HLTF: variants seen among roughly 807,000 people sequenced by gnomAD.
HLTF encodes helicase like transcription factor, also known as DNA-dependent ATPase/E3 ubiquitin-protein ligase HLTF.
In HLTF, 127 loss-of-function variants were observed where a neutral mutation model predicts 129.4. That is an observed-to-expected ratio of 0.98 (90% CI 0.85 to 1.14). The LOEUF (loss-of-function observed/expected upper bound fraction) is 1.14, where lower values mean the gene tolerates loss of function less well. HLTF is among the 50% of genes most tolerant of loss of function. The probability of loss-of-function intolerance (pLI) is 0.00; values close to 1 mark genes in which losing one functional copy is unlikely to be tolerated. For missense variants in HLTF, 1,139 were observed against 1,187.1 expected, an observed-to-expected ratio of 0.96 and a Z score of 0.60; for synonymous variants, 332 against 388.8, an observed-to-expected ratio of 0.85 and a Z score of 1.72.
In HLTF at chr3:149,039,616, A is replaced by C; in HGVS notation, c.2580T>G (p.Phe860Leu). Residue 860 changes from phenylalanine to leucine, a missense_variant, in exon 22 of 25, where the codon TTT (phenylalanine) becomes TTG (leucine). Coordinates refer to ENST00000310053, the MANE Select transcript of HLTF (RefSeq NM_003071.4). ...TTTCTATTAAAGACAGGAATGTTGT[A>C]AACTGAGAAACAACCAAACTTTTTA... ...PNIKSLVVSQ[F>L]TTFLSLIEIP... is the part of the protein sequence containing the mutation. 6.3e-7 allele frequency: 1 copy of C among 1,597,688 alleles called. No individual in the cohort carries two copies. The highest frequency in any genetic ancestry group is 1.3e-5 in the African/African-American group (1 of 74,606).
chr3:149,061,983 C>T (rs564908133), intron 10 of HLTF, among the ~76,000 whole-genome samples: 20 of 152,178 alleles, frequency 1.3e-4, no homozygotes, highest in African/African-American at 4.6e-4. Flanking sequence ...GAAAGTTTAA[C>T]AGTGATTAAG....
At position 149,071,602 on chromosome 3, in the gene HLTF, T is replaced by C. The variant is rs1474169386; in HGVS notation, c.683A>G (p.His228Arg). 4.4e-6 allele frequency: 7 copies of C among 1,597,738 alleles called. No individual in the cohort carries two copies. The highest frequency in any genetic ancestry group is 1.1e-5 in the South Asian group (1 of 89,736). ...CAATACCTCAGCTGGTTCCATTTCA[T>C]GGGTTTTATCATCTTCTTTTAAATC... ...FEDLKEDDKT[H>R]EMEPAEAIET... Residue 228 changes from histidine (H) to arginine (R), a missense_variant, in exon 6 of 25, where the codon CAT (histidine) becomes CGT (arginine). Coordinates refer to ENST00000310053, the MANE Select transcript of HLTF (RefSeq NM_003071.4).
chr3:149,059,787 C>T lies in HLTF; in HGVS notation c.1306G>A (p.Glu436Lys), dbSNP rs759260915. Residue 436 changes from glutamate (E) to lysine (K), a missense_variant, in exon 13 of 25, where the codon GAA becomes AAA. Physicochemically the swap from Glu to Lys is moderately conservative, Grantham distance 56. Coordinates refer to ENST00000310053, the MANE Select transcript of HLTF (RefSeq NM_003071.4). ...RAKAGSSKVI[E>K]DVAFACALTS... ...AATGCACATGCAAATGCCACATCTT[C>T]TATAACCTTAGAAGATCCTGCTGAT... 3 of 1,597,132 alleles carry T rather than the reference C, an allele frequency of 1.9e-6. No homozygotes were observed. The highest frequency in any genetic ancestry group is 2.7e-5 in the African/African-American group (2 of 73,958).
chr3:149,065,087 A>T (rs550162887), intron 8 of HLTF, among the ~76,000 whole-genome samples: 25 of 152,298 alleles, frequency 1.6e-4, no homozygotes, highest in African/African-American at 5.8e-4. Flanking sequence ...AAATAAATAA[A>T]ACTACTTGGC....
rs1046507275 is a variant in HLTF, at chr3:149,065,110, G to A, written c.991-244C>T. 2.7e-5 allele frequency among the ~76,000 whole-genome samples: 4 copies of A among 150,876 alleles called. No homozygotes were observed. The East Asian group carries it at 5.8e-4, about 22-fold the overall frequency. The stretch of plus-strand genomic sequence containing the variant: ...AAAACTACTTGGCCTTCACCTTTTC[G>A]AAAGGAATACCGAAAGCAAATCTCA... On this transcript the variant is annotated intron_variant, in intron 8 of 24. Transcript: ENST00000310053.
At chr3:149,074,398 A>G in intron 3 of HLTF, 50 bp from the exon 4 acceptor site, 1 of 1,523,130 alleles carries the variant, frequency 6.6e-7, no homozygotes, top group Admixed American at 2.0e-5. Context: ...ATTACTTTTT[A>G]TCCCCACTAA....
In HLTF at chr3:149,074,345, T is replaced by G. The variant is rs1378448598; in HGVS notation, c.399A>C (p.Val133=). ...AAGCATTGTTTGCACCAAAAGGAAC[T>G]ACCCTATTATATTTGGGAGAAAAAG... The part of the protein sequence containing the change: ...MDNKLAQIEG[V]VPFGANNAFT... Residue 133 remains valine, a synonymous_variant, in exon 4 of 25, where the codon GTA becomes GTC. Coordinates refer to ENST00000310053, the MANE Select transcript of HLTF (RefSeq NM_003071.4). 6.2e-7 allele frequency: 1 copy of G among 1,601,994 alleles called. No homozygotes were observed. The highest frequency in any genetic ancestry group is 1.1e-5 in the South Asian group (1 of 88,970).
intron 24 of HLTF, among the ~76,000 whole-genome samples, chr3:149,033,868 G>A (rs1318176185): frequency 6.6e-6 from 1 of 152,038 alleles, no homozygotes; most frequent in Non-Finnish European, 1.5e-5. Flanking sequence ...AAAGGCTGAC[G>A]TTTTAAATCA....
chr3:149,083,848 G>A (rs1225823102), intron 2 of HLTF: 2 of 151,754 alleles, frequency 1.3e-5, no homozygotes, highest in African/African-American at 2.4e-5. Context: ...GAGTCTGGGA[G>A]GCAGAGATTG....
At chr3:149,040,694 A>G (rs1409342183) in intron 20 of HLTF, among the ~76,000 whole-genome samples, 2 of 152,066 alleles carry the variant, frequency 1.3e-5, no homozygotes, top group African/African-American at 4.8e-5. Context: ...ACACCATTAC[A>G]ATTAAATAAT....
At position 149,041,544 on chromosome 3, in the gene HLTF, A is replaced by T. The variant is rs370415771; in HGVS notation, c.2322T>A (p.His774Gln). The T allele has an allele frequency of 7.4e-6, 12 of 1,613,192 alleles. No homozygotes were observed. Among genetic ancestry groups the T allele is most frequent in the Middle Eastern group, 1.6e-4 (1 of 6,078 alleles). Reference sequence around the variant, plus strand: ...AGGGTTTACAAAATACATGTGCACAATGTGTTATCACAGGAACTGTTAAAG... The same window carrying T: ...AGGGTTTACAAAATACATGTGCACATTGTGTTATCACAGGAACTGTTAAAG... ...LDSLTVPVIT[H>Q]CAHVFCKPCI... The change falls in exon 20 of 25, where the codon CAT becomes CAA. Residue 774 changes from histidine to glutamine, a missense_variant. By Grantham distance (24) the His-to-Gln change is conservative (BLOSUM62 0). Coordinates refer to ENST00000310053, the MANE Select transcript of HLTF (RefSeq NM_003071.4).
chr3:149,044,248 G>C (rs1322259898), intron 18 of HLTF, among the ~76,000 whole-genome samples: 2 of 152,110 alleles, frequency 1.3e-5, no homozygotes, highest in Admixed American at 6.6e-5. Context: ...ATAAATGTTA[G>C]TAAATATATA....
chr3:149,043,913 G>T (rs769801840), intron 18 of HLTF, among the ~76,000 whole-genome samples: 17 of 152,252 alleles, frequency 1.1e-4, no homozygotes, highest in South Asian at 2.1e-4. Flanking sequence ...TTAAAATAGT[G>T]CCTGGACTAT....
chr3:149,042,223 G>C lies in HLTF; in HGVS notation c.2140C>G (p.Gln714Glu). Reference protein sequence around the residue: ...DVLGLLLRLRQICCHTYLLTN... With the variant: ...DVLGLLLRLREICCHTYLLTN... ...AGAAGGTAAGTATGGCAACAAATTTGCCGCAGTCTAAGCAAAAGACCCAGG... is the reference window on the plus strand; with the variant it reads ...AGAAGGTAAGTATGGCAACAAATTTCCCGCAGTCTAAGCAAAAGACCCAGG... Residue 714 changes from glutamine (Q) to glutamate (E), a missense_variant, in exon 19 of 25, where the codon CAA (glutamine) becomes GAA (glutamate). Physicochemically the swap from Gln to Glu is conservative, Grantham distance 29. Transcript: ENST00000310053. 1 of 1,613,136 alleles carries C rather than the reference G, an allele frequency of 6.2e-7. No homozygotes were observed.
At chr3:149,070,737 A>C (rs752121296) in intron 7 of HLTF, among the ~76,000 whole-genome samples, 2 of 152,204 alleles carry the variant, frequency 1.3e-5, no homozygotes, top group Non-Finnish European at 2.9e-5. Flanking sequence ...CCTGAATTTC[A>C]AAGAGCAAAG....
At position 149,032,322 on chromosome 3, in the gene HLTF, T is replaced by C. The variant is rs1192469257; in HGVS notation, c.2928A>G (p.Lys976=). 4 of 1,596,736 alleles carry C rather than the reference T, an allele frequency of 2.5e-6. No homozygotes were observed. The highest frequency in any genetic ancestry group is 3.5e-5 in the Admixed American group (2 of 57,398). Residue 976 remains lysine (K), a synonymous_variant, in exon 25 of 25, where the codon AAA becomes AAG. Transcript: ENST00000310053. ...AGGCTCCTGCTGCAAGTTCTCTCTT[T>C]TTGTTTTGTATTTTCAGCATATTTT... ...VEENMLKIQN[K]KRELAAGAFG... is the part of the protein sequence containing the mutation.
At chr3:149,041,903 C>T (rs2107967823) in intron 19 of HLTF, 1 of 576,706 alleles carries the variant, frequency 1.7e-6, no homozygotes, top group East Asian at 2.8e-5. Context: ...CAATAACATA[C>T]CACCACACAA....
intron 15 of HLTF, among the ~76,000 whole-genome samples, chr3:149,049,941 G>A (rs1225555590): frequency 6.6e-6 from 1 of 151,896 alleles, no homozygotes; most frequent in African/African-American, 2.4e-5. Context: ...GCAGTGAGCT[G>A]AGATCACACC....
intron 2 of HLTF, among the ~76,000 whole-genome samples, chr3:149,076,373 A>G (rs1719355722): frequency 6.6e-6 from 1 of 152,242 alleles, no homozygotes; most frequent in Non-Finnish European, 1.5e-5. Context: ...TTGAGCGCTT[A>G]CTATGTGCCA....
Sources: allele counts gnomAD v4.1 joint callset (sites outside exome capture counted in the v4.1 genomes callset), GRCh38; gene constraint gnomAD v4.1.1; transcripts MANE v1.5; gene names NCBI Gene and HGNC (gene_info 2026-07-23, HGNC 2026-07-21).